The following KCNMA1 variants were observed in gnomAD, a reference collection of about 807,000 sequenced individuals.
The protein encoded by KCNMA1 is potassium calcium-activated channel subfamily M alpha 1, also known as Calcium-activated potassium channel subunit alpha-1.
In KCNMA1, 29 loss-of-function variants were observed where a neutral mutation model predicts 140.0. The ratio of observed to expected loss-of-function variants is 0.21; its 90% CI spans 0.15 to 0.28. The LOEUF (loss-of-function observed/expected upper bound fraction) is 0.28, where lower values mean the gene tolerates loss of function less well. Among genes scored for constraint, KCNMA1 ranks in the 10% least tolerant of loss-of-function variants. KCNMA1 has a pLI of 1.00. For missense variants in KCNMA1, 880 were observed against 1,602.2 expected (o/e 0.55, Z 7.70); for synonymous variants, 612 against 611.9 (o/e 1.00, Z 0.00).
intron 1 of KCNMA1, among the ~76,000 whole-genome samples, chr10:77,552,870 G>A (rs1447791610): frequency 6.6e-6 from 1 of 152,132 alleles, no homozygotes; most frequent in African/African-American, 2.4e-5. Context: ...CCAACATGGT[G>A]AAACCCTGTC....
chr10:77,635,589 G>A (rs1278395780), intron 1 of KCNMA1: 1 of 152,260 alleles, frequency 6.6e-6, no homozygotes, highest in Non-Finnish European at 1.5e-5. Flanking sequence ...AAGGCTCCAG[G>A]AATAAGCTGT....
chr10:76,954,589 A>G (rs994943995), intron 20 of KCNMA1, among the ~76,000 whole-genome samples: 3 of 152,200 alleles, frequency 2.0e-5, no homozygotes, highest in Non-Finnish European at 4.4e-5. Context: ...CCACATCTGG[A>G]ATACATGATT....
intron 1 of KCNMA1, among the ~76,000 whole-genome samples, chr10:77,496,763 T>A (rs796277681): frequency 5.9e-4 from 90 of 152,070 alleles, no homozygotes; most frequent in African/African-American, 2.0e-3. Context: ...TAACTGAAGT[T>A]CAGCTAGATT....
intron 2 of KCNMA1, among the ~76,000 whole-genome samples, chr10:77,394,102 C>T (rs1184226411): frequency 4.6e-5 from 7 of 152,328 alleles, no homozygotes; most frequent in East Asian, 3.9e-4. Flanking sequence ...CACCCACATG[C>T]ACCTGGAAAC....
intron 23 of KCNMA1, among the ~76,000 whole-genome samples, chr10:76,931,243 A>G (rs1379513845): frequency 1.3e-5 from 2 of 152,174 alleles, no homozygotes; most frequent in Non-Finnish European, 2.9e-5. Flanking sequence ...CACAATGTAT[A>G]TGTATATCAA....
At chr10:77,252,619 C>T (rs1327334993) in intron 2 of KCNMA1, among the ~76,000 whole-genome samples, 2 of 151,890 alleles carry the variant, frequency 1.3e-5, no homozygotes, top group African/African-American at 2.4e-5. Flanking sequence ...CCCACCCACA[C>T]ACACACACAC....
At chr10:76,960,621 T>G (rs1380949041) in intron 20 of KCNMA1, among the ~76,000 whole-genome samples, 8 of 139,514 alleles carry the variant, frequency 5.7e-5, no homozygotes, top group Non-Finnish European at 9.7e-5. Context: ...TGGTTTTGTT[T>G]TTTTTTTTTT....
chr10:77,564,550 T>C (rs772203560), intron 1 of KCNMA1, among the ~76,000 whole-genome samples: 2 of 152,002 alleles, frequency 1.3e-5, no homozygotes, highest in Non-Finnish European at 2.9e-5. Flanking sequence ...ACCACTGTAC[T>C]CCAGCCTGGG....
chr10:77,241,651 G>GA (rs796215100), intron 3 of KCNMA1, among the ~76,000 whole-genome samples: 52 of 143,214 alleles, frequency 3.6e-4, no homozygotes, highest in Middle Eastern at 3.6e-3. Context: ...CTGTCTCAAA[G>GA]AAAAAAAAAA....
intron 2 of KCNMA1, among the ~76,000 whole-genome samples, chr10:77,267,749 A>G (rs2063817164): frequency 6.6e-6 from 1 of 152,170 alleles, no homozygotes; most frequent in Admixed American, 6.5e-5. Flanking sequence ...CCAATCTCAT[A>G]TCAGAAAAGT....
intron 18 of KCNMA1, among the ~76,000 whole-genome samples, chr10:77,007,653 G>GTGTGTGTGTGTATATA: frequency 3.4e-5 from 3 of 88,482 alleles, no homozygotes; most frequent in African/African-American, 1.4e-4. Context: ...TTGTGTGTGT[G>GTGTGTGTGTGTATATA]TATATATATA....
At chr10:77,131,387 T>A (rs2097854625) in intron 5 of KCNMA1, among the ~76,000 whole-genome samples, 1 of 150,434 alleles carries the variant, frequency 6.6e-6, no homozygotes, top group Non-Finnish European at 1.5e-5. Flanking sequence ...AGACTCCATC[T>A]CCAAACAAAA....
intron 3 of KCNMA1, among the ~76,000 whole-genome samples, chr10:77,224,085 C>T (rs1007179604): frequency 6.6e-6 from 1 of 152,192 alleles, no homozygotes; most frequent in Non-Finnish European, 1.5e-5. Context: ...TCTGCCTTCT[C>T]ACTTTGCCAT....
chr10:77,430,344 C>G (rs866456392), intron 1 of KCNMA1, among the ~76,000 whole-genome samples: 1 of 152,150 alleles, frequency 6.6e-6, no homozygotes, highest in Non-Finnish European at 1.5e-5. Context: ...GAGCAGGAGC[C>G]GAATGCACTA....
At chr10:77,473,084 G>A (rs681088) in intron 1 of KCNMA1, among the ~76,000 whole-genome samples, 60,431 of 152,134 alleles carry the variant, frequency 0.4, 12,432 homozygotes, top group East Asian at 0.61. Flanking sequence ...CCCTTCACAC[G>A]AGGAAAACCC....
intron 18 of KCNMA1, among the ~76,000 whole-genome samples, chr10:77,011,586 T>C (rs1199457038): frequency 6.6e-6 from 1 of 152,164 alleles, no homozygotes; most frequent in Non-Finnish European, 1.5e-5. Flanking sequence ...CTCAACCCTA[T>C]ATACTCAGGG....
chr10:77,082,007 C>CTTTTTTTTTTTT (rs201288668), intron 12 of KCNMA1, among the ~76,000 whole-genome samples: 26 of 32,504 alleles, frequency 8.0e-4, no homozygotes, highest in South Asian at 3.9e-3. Flanking sequence ...TTTTTCTTTT[C>CTTTTTTTTTTTT]TTTTTTTTTT....
In KCNMA1 at chr10:77,367,654, A is replaced by T. The variant is rs1473615053; in HGVS notation, c.540+36208T>A. On this transcript the variant is annotated intron_variant, in intron 2 of 27. Transcript: ENST00000286628. ...AATTTGTATAGCCACCACCATAATCAAGATACAGAACAACTCTGCCCCAAA... is the reference window on the plus strand; with the variant it reads ...AATTTGTATAGCCACCACCATAATCTAGATACAGAACAACTCTGCCCCAAA... 3.9e-5 allele frequency among the ~76,000 whole-genome samples: 6 copies of T among 152,358 alleles called. No homozygotes were observed. In the East Asian group the frequency reaches 7.7e-4, roughly 20 times the overall value.
chr10:77,057,959 A>G (rs2095601752), intron 14 of KCNMA1, among the ~76,000 whole-genome samples: 1 of 151,966 alleles, frequency 6.6e-6, no homozygotes, highest in African/African-American at 2.4e-5. Context: ...CCAATTAAGA[A>G]AGAGAGATTC....
Sources: allele counts gnomAD v4.1 joint callset (sites outside exome capture counted in the v4.1 genomes callset), GRCh38; gene constraint gnomAD v4.1.1; transcripts MANE v1.5; gene names NCBI Gene and HGNC (gene_info 2026-07-23, HGNC 2026-07-21).